VOPP1: variants seen among roughly 807,000 people sequenced by gnomAD.
VOPP1 encodes WW domain binding protein VOPP1.
A neutral mutation model predicts 23.5 loss-of-function variants in VOPP1; 8 were observed. The ratio of observed to expected loss-of-function variants is 0.34; its 90% CI spans 0.20 to 0.61. The LOEUF (loss-of-function observed/expected upper bound fraction) is 0.61, where lower values mean the gene tolerates loss of function less well. Ranked by LOEUF, VOPP1 falls within the 20% of genes least tolerant of loss-of-function variation. The pLI, the probability that VOPP1 is intolerant of heterozygous loss-of-function variation, is 0.78. For synonymous variants in VOPP1, 83 were observed against 97.3 expected (o/e 0.85, Z 0.86); for missense variants, 174 against 238.1 (o/e 0.73, Z 1.77).
At chr7:55,468,009 C>T (rs1412685946), downstream of VOPP1, among the ~76,000 whole-genome samples, 2 of 152,206 alleles carry the variant, frequency 1.3e-5, no homozygotes, top group Non-Finnish European at 2.9e-5. Context: ...GGCAGTGGCT[C>T]ACGCCTGTAA....
At chr7:55,534,777 A>G (rs1269749226) in intron 1 of VOPP1, among the ~76,000 whole-genome samples, 1 of 152,196 alleles carries the variant, frequency 6.6e-6, no homozygotes, top group Non-Finnish European at 1.5e-5. Flanking sequence ...ACATCCCTAC[A>G]GCTGAGCGCT....
At chr7:55,542,646 G>A (rs186763886) in intron 1 of VOPP1, among the ~76,000 whole-genome samples, 279 of 152,160 alleles carry the variant, frequency 1.8e-3, no homozygotes, top group Non-Finnish European at 3.3e-3. Flanking sequence ...AAAGTTAGCC[G>A]GTCGTGGTGG....
intron 1 of VOPP1, among the ~76,000 whole-genome samples, chr7:55,541,883 T>G (rs1040683226): frequency 8.5e-5 from 13 of 152,166 alleles, no homozygotes; most frequent in African/African-American, 2.9e-4. Flanking sequence ...GAGAGTAGAT[T>G]AATGGTTGCT....
At chr7:55,488,618 G>A (rs1793321300) in intron 4 of VOPP1, among the ~76,000 whole-genome samples, 1 of 152,040 alleles carries the variant, frequency 6.6e-6, no homozygotes, top group Non-Finnish European at 1.5e-5. Flanking sequence ...GCTCATCAGT[G>A]ATGCTGGTCC....
At chr7:55,443,644 C>CTTTT (rs550168169) in intron 4 of VOPP1, among the ~76,000 whole-genome samples, 1 of 133,776 alleles carries the variant, frequency 7.5e-6, no homozygotes, top group Non-Finnish European at 1.6e-5. Flanking sequence ...ATTATTGTCC[C>CTTTT]TTTTTTTTTT....
At chr7:55,490,709 T>C (rs866580461) in intron 4 of VOPP1, among the ~76,000 whole-genome samples, 7 of 152,176 alleles carry the variant, frequency 4.6e-5, no homozygotes, top group Admixed American at 1.3e-4. Context: ...CTTTACCCTA[T>C]GATGCAGCAC....
chr7:55,561,934 G>C, intron 1 of VOPP1: 1 of 703,042 alleles, frequency 1.4e-6, no homozygotes, highest in East Asian at 2.7e-5. Flanking sequence ...GGCAGTCAAA[G>C]GAATGGGAAA....
intron 4 of VOPP1, among the ~76,000 whole-genome samples, chr7:55,450,496 C>T (rs1053687785): frequency 3.9e-5 from 6 of 152,158 alleles, no homozygotes; most frequent in African/African-American, 1.4e-4. Context: ...GTTATACAAA[C>T]TGGATTTTGA....
rs185928229 is a variant in VOPP1 at position 55,489,903 on chromosome 7, G to C, written c.328+2379C>G. 1.6e-4 allele frequency among the ~76,000 whole-genome samples: 25 copies of C among 152,286 alleles called. No individual in the cohort carries two copies. In the East Asian group the frequency reaches 4.8e-3, roughly 30 times the overall value. ...GCAGGGGACCCAGGGAGAAAGTGGA[G>C]ATGTGAAGCAGCCAGAGACAACTTC... On this transcript the variant is annotated intron_variant, in intron 4 of 4. Coordinates refer to ENST00000285279, the MANE Select transcript of VOPP1 (RefSeq NM_030796.5).
chr7:55,502,722 A>C (rs1379102837), intron 2 of VOPP1, among the ~76,000 whole-genome samples: 1 of 152,248 alleles, frequency 6.6e-6, no homozygotes, highest in African/African-American at 2.4e-5. Context: ...AGTCGAGCAC[A>C]CTGAAGATGC....
At chr7:55,458,974 T>G (rs1791434557) in intron 4 of VOPP1, among the ~76,000 whole-genome samples, 1 of 152,216 alleles carries the variant, frequency 6.6e-6, no homozygotes, top group Non-Finnish European at 1.5e-5. Context: ...AAGAAGGTCT[T>G]TCAGCTTTTC....
At chr7:55,485,660 G>A (rs1179474924) in intron 4 of VOPP1, among the ~76,000 whole-genome samples, 2 of 152,192 alleles carry the variant, frequency 1.3e-5, no homozygotes, top group East Asian at 1.9e-4. Context: ...GCACTGTGAC[G>A]CCACACAGGG....
intron 1 of VOPP1, chr7:55,572,014 A>C: frequency 5.0e-6 from 2 of 400,332 alleles, no homozygotes; most frequent in East Asian, 4.3e-5. Flanking sequence ...CGGCGCGGGA[A>C]ACGCGCTCAC....
chr7:55,454,748 A>G (rs1348535034), intron 4 of VOPP1, among the ~76,000 whole-genome samples: 1 of 152,248 alleles, frequency 6.6e-6, no homozygotes, highest in East Asian at 1.9e-4. Context: ...AAAATTCAAT[A>G]GCCCTTCATG....
intron 1 of VOPP1, among the ~76,000 whole-genome samples, chr7:55,540,253 C>G (rs564608281): frequency 1.8e-4 from 27 of 151,986 alleles, no homozygotes; most frequent in African/African-American, 6.3e-4. Context: ...CAAAAATTAG[C>G]TGGGCATGGT....
chr7:55,520,601 G>C (rs1795774624), intron 2 of VOPP1, among the ~76,000 whole-genome samples: 1 of 152,234 alleles, frequency 6.6e-6, no homozygotes, highest in Non-Finnish European at 1.5e-5. Context: ...TGTGACAGCA[G>C]CTCTCTGGCG....
chr7:55,469,209 G>A (rs895181514), downstream of VOPP1, among the ~76,000 whole-genome samples: 8 of 152,110 alleles, frequency 5.3e-5, no homozygotes, highest in African/African-American at 7.2e-5. Flanking sequence ...GGAAGCCTTC[G>A]GGTTAATGAA....
chr7:55,539,648 G>GCGC (rs1554299203), intron 1 of VOPP1: 17 of 151,672 alleles, frequency 1.1e-4, no homozygotes, highest in African/African-American at 3.9e-4. Flanking sequence ...TGGATCATCA[G>GCGC]CCCCGCTGTG....
intron 2 of VOPP1, among the ~76,000 whole-genome samples, chr7:55,503,981 G>A (rs1300117587): frequency 6.6e-6 from 1 of 152,244 alleles, no homozygotes; most frequent in Non-Finnish European, 1.5e-5. Flanking sequence ...TGCATCTGGT[G>A]GAGCAGCTAA....
Sources: allele counts gnomAD v4.1 joint callset (sites outside exome capture counted in the v4.1 genomes callset), GRCh38; gene constraint gnomAD v4.1.1; transcripts MANE v1.5; gene names NCBI Gene and HGNC (gene_info 2026-07-23, HGNC 2026-07-21).